The following DOCK10 variants were observed in gnomAD, a reference collection of about 807,000 sequenced individuals.
DOCK10 encodes dedicator of cytokinesis 10.
A neutral mutation model predicts 280.1 loss-of-function variants in DOCK10; 145 were observed. The observed-to-expected ratio is 0.52, with a 90% confidence interval of 0.45 to 0.59. The LOEUF (loss-of-function observed/expected upper bound fraction) is 0.59, where lower values mean the gene tolerates loss of function less well. DOCK10 is among the 20% of genes least tolerant of loss of function. DOCK10 has a pLI of 0.00. For missense variants in DOCK10, 2,368 were observed against 2,651.7 expected, an observed-to-expected ratio of 0.89 and a Z score of 2.35; for synonymous variants, 915 against 942.2, an observed-to-expected ratio of 0.97 and a Z score of 0.53.
intron 1 of DOCK10, among the ~76,000 whole-genome samples, chr2:224,978,793 C>T (rs1705587382): frequency 2.0e-5 from 3 of 152,188 alleles, no homozygotes; most frequent in Admixed American, 2.0e-4. Context: ...TACTTGACAT[C>T]TCCATCTATA....
intron 27 of DOCK10, among the ~76,000 whole-genome samples, chr2:224,829,754 G>T (rs567555448): frequency 6.6e-6 from 1 of 152,150 alleles, no homozygotes; most frequent in Non-Finnish European, 1.5e-5. Flanking sequence ...CTTCGGAGCT[G>T]CTAGTTAGAG....
chr2:224,952,832 T>C (rs1055167768), intron 1 of DOCK10, among the ~76,000 whole-genome samples: 22 of 152,266 alleles, frequency 1.4e-4, no homozygotes, highest in Admixed American at 1.4e-3. Flanking sequence ...GACCTCGTGA[T>C]CTGCCCGCCT....
chr2:224,875,030 T>G (rs1395618457), intron 8 of DOCK10, among the ~76,000 whole-genome samples: 1 of 152,232 alleles, frequency 6.6e-6, no homozygotes, highest in Non-Finnish European at 1.5e-5. Flanking sequence ...GGGGTTGTCT[T>G]GACTTACTTC....
chr2:225,025,706 G>A (rs189297130), intron 1 of DOCK10, among the ~76,000 whole-genome samples: 29 of 148,248 alleles, frequency 2.0e-4, no homozygotes, highest in African/African-American at 7.4e-4. Context: ...CCAAGGCTAG[G>A]TAATATTCAA....
chr2:224,846,164 T>A (rs1283939426), intron 19 of DOCK10, among the ~76,000 whole-genome samples: 3 of 152,262 alleles, frequency 2.0e-5, no homozygotes, highest in African/African-American at 7.2e-5. Flanking sequence ...TGGATGATGA[T>A]AATTTAGAAT....
At chr2:224,977,260 GT>G (rs938184753) in intron 1 of DOCK10, among the ~76,000 whole-genome samples, 2 of 151,922 alleles carry the variant, frequency 1.3e-5, no homozygotes, top group African/African-American at 2.4e-5. Flanking sequence ...GGATTTTAAA[GT>G]TTTTTTTCAC....
chr2:224,955,134 C>G (rs140614586), intron 1 of DOCK10, among the ~76,000 whole-genome samples: 2 of 152,280 alleles, frequency 1.3e-5, no homozygotes, highest in African/African-American at 4.8e-5. Flanking sequence ...CCTAAAATTG[C>G]CCTCCTGTAG....
At chr2:224,802,245 T>C (rs1419517998) in intron 39 of DOCK10, among the ~76,000 whole-genome samples, 1 of 152,190 alleles carries the variant, frequency 6.6e-6, no homozygotes, top group African/African-American at 2.4e-5. Context: ...TAAGCCAAAA[T>C]AGTGTTCACA....
At chr2:224,912,440 C>G (rs995883928) in intron 3 of DOCK10, among the ~76,000 whole-genome samples, 2 of 152,086 alleles carry the variant, frequency 1.3e-5, no homozygotes, top group Admixed American at 1.3e-4. Context: ...CAGCTGCCCC[C>G]ATCTCTACTA....
chr2:224,776,011 A>G (rs142031975), intron 51 of DOCK10, among the ~76,000 whole-genome samples: 149 of 144,336 alleles, frequency 1.0e-3, no homozygotes, highest in Middle Eastern at 3.5e-3. Flanking sequence ...CATCCCATGC[A>G]TTTTTTTTTT....
At chr2:224,999,234 T>G (rs887088539) in intron 1 of DOCK10, among the ~76,000 whole-genome samples, 22 of 147,394 alleles carry the variant, frequency 1.5e-4, no homozygotes, top group Non-Finnish European at 3.1e-4. Flanking sequence ...CTCTCTCTCT[T>G]TCTCTGTCTC....
intron 3 of DOCK10, among the ~76,000 whole-genome samples, chr2:224,906,771 A>G (rs187268419): frequency 1.6e-3 from 244 of 152,158 alleles, no homozygotes; most frequent in East Asian, 0.014. Flanking sequence ...CAGTCACCGC[A>G]CCCGGCCTTG....
chr2:224,775,740 G>T (rs1218042827), intron 51 of DOCK10, among the ~76,000 whole-genome samples: 3 of 152,188 alleles, frequency 2.0e-5, no homozygotes, highest in African/African-American at 7.2e-5. Flanking sequence ...CTCCCAAAGT[G>T]CTGGGATTAG....
intron 1 of DOCK10, among the ~76,000 whole-genome samples, chr2:224,949,885 A>T (rs35813535): frequency 6.6e-6 from 1 of 152,080 alleles, no homozygotes; most frequent in South Asian, 2.1e-4. Flanking sequence ...TATTAGTTAC[A>T]ACAAAGGCAA....
chr2:224,772,072 C>T (rs1486281044), intron 53 of DOCK10, among the ~76,000 whole-genome samples: 22 of 152,068 alleles, frequency 1.4e-4, no homozygotes, highest in Admixed American at 1.4e-3. Flanking sequence ...AGGCGTGTGC[C>T]ACCATGCCCG....
At chr2:224,877,624 GT>G (rs1309129284) in intron 7 of DOCK10, among the ~76,000 whole-genome samples, 2 of 152,188 alleles carry the variant, frequency 1.3e-5, no homozygotes, top group Non-Finnish European at 2.9e-5. Flanking sequence ...TGATGAGTAG[GT>G]ACTTTAGATT....
chr2:225,035,146 T>A (rs1690186185), intron 1 of DOCK10, among the ~76,000 whole-genome samples: 1 of 152,144 alleles, frequency 6.6e-6, no homozygotes, highest in Non-Finnish European at 1.5e-5. Context: ...CTCTCCAGAC[T>A]CACAGGCTCT....
chr2:224,928,246 A>G (rs933838266), intron 2 of DOCK10, among the ~76,000 whole-genome samples: 9 of 150,194 alleles, frequency 6.0e-5, no homozygotes, highest in African/African-American at 1.2e-4. Flanking sequence ...ATGTCAGCCA[A>G]CTTTTTCTGT....
At chr2:224,859,464 C>T (rs1697360046) in intron 14 of DOCK10, among the ~76,000 whole-genome samples, 1 of 152,162 alleles carries the variant, frequency 6.6e-6, no homozygotes, top group South Asian at 2.1e-4. Context: ...GTGTAGTCAT[C>T]TGTATGTGTT....
Sources: gnomAD v4.1 joint callset for allele counts (sites outside exome capture counted in the v4.1 genomes callset) on GRCh38, gnomAD v4.1.1 for gene constraint, MANE v1.5 for transcripts, NCBI Gene and HGNC (gene_info 2026-07-23, HGNC 2026-07-21) for gene names.